KIF5C: variants seen among roughly 807,000 people sequenced by gnomAD.
KIF5C encodes kinesin family member 5C, also known as kinesin heavy chain isoform 5C.
Under a neutral mutation model 125.2 loss-of-function variants are expected in KIF5C, and 18 were observed. That is an observed-to-expected ratio of 0.14 (90% CI 0.10 to 0.21). KIF5C has a LOEUF of 0.21. KIF5C is among the 10% of genes least tolerant of loss of function. KIF5C has a pLI of 1.00. For missense variants in KIF5C, 780 were observed against 1,183.8 expected (o/e 0.66, Z 5.01); for synonymous variants, 405 against 434.0 (o/e 0.93, Z 0.83).
rs745787459 is a variant in KIF5C at position 149,000,707 on chromosome 2, C to G, written c.2313-15C>G. ...AGTCCCCTGTGGTGGTCTATGGTTC[C>G]TTTTTGTTTTTCAGATTGCTCAACG... is the stretch of plus-strand genomic sequence containing the variant. On this transcript the variant is annotated splice_polypyrimidine_tract_variant and intron_variant, in intron 20 of 25. Transcript: ENST00000435030. The G allele has an allele frequency of 6.2e-6, 10 of 1,613,404 alleles. No homozygotes were observed. The highest frequency in any genetic ancestry group is 1.7e-5 in the Admixed American group (1 of 59,934).
chr2:148,895,351 T>G (rs1024180262), intron 1 of KIF5C, among the ~76,000 whole-genome samples: 1 of 152,194 alleles, frequency 6.6e-6, no homozygotes, highest in Non-Finnish European at 1.5e-5. Flanking sequence ...TTGGCCAGGC[T>G]GGTCTCAAAC....
intron 1 of KIF5C, among the ~76,000 whole-genome samples, chr2:148,891,670 A>T (rs925902928): frequency 2.6e-5 from 4 of 152,142 alleles, no homozygotes; most frequent in African/African-American, 9.7e-5. Context: ...ACATATATGA[A>T]ATCATTCATT....
At chr2:148,987,325 A>G (rs1681405106) in intron 15 of KIF5C, among the ~76,000 whole-genome samples, 1 of 152,132 alleles carries the variant, frequency 6.6e-6, no homozygotes. Flanking sequence ...CTGTACATCA[A>G]AGGGTGAAGC....
At chr2:148,966,223 A>G (rs887425134) in intron 11 of KIF5C, among the ~76,000 whole-genome samples, 4 of 152,164 alleles carry the variant, frequency 2.6e-5, no homozygotes, top group Non-Finnish European at 5.9e-5. Flanking sequence ...GGCCTTGTCA[A>G]TTGTGTGCAG....
intron 1 of KIF5C, among the ~76,000 whole-genome samples, chr2:148,894,937 G>A (rs749022436): frequency 6.6e-6 from 1 of 150,566 alleles, no homozygotes; most frequent in African/African-American, 2.4e-5. Context: ...ACTGATGGGC[G>A]TTAGGTTATT....
At chr2:148,985,977 G>T (rs1681371166) in intron 15 of KIF5C, among the ~76,000 whole-genome samples, 1 of 152,088 alleles carries the variant, frequency 6.6e-6, no homozygotes, top group Non-Finnish European at 1.5e-5. Flanking sequence ...GCTTCAATTT[G>T]GTGATTTTAT....
At chr2:148,926,987 C>CA (rs908974791) in intron 2 of KIF5C, among the ~76,000 whole-genome samples, 1 of 151,608 alleles carries the variant, frequency 6.6e-6, no homozygotes, top group Non-Finnish European at 1.5e-5. Flanking sequence ...CCTTTTCTTA[C>CA]AAAAAAAGAA....
intron 1 of KIF5C, among the ~76,000 whole-genome samples, chr2:148,921,042 G>T (rs1681764208): frequency 6.6e-6 from 1 of 152,146 alleles, no homozygotes; most frequent in Non-Finnish European, 1.5e-5. Context: ...GTAGAGAAGA[G>T]GTGCCCTCAG....
intron 1 of KIF5C, among the ~76,000 whole-genome samples, chr2:148,919,930 T>G (rs1681715453): frequency 6.6e-6 from 1 of 152,224 alleles, no homozygotes; most frequent in South Asian, 2.1e-4. Context: ...AACTTCTGTT[T>G]GGGAGTTAAC....
At chr2:148,918,432 C>A (rs1020853636) in intron 1 of KIF5C, among the ~76,000 whole-genome samples, 1 of 152,152 alleles carries the variant, frequency 6.6e-6, no homozygotes, top group African/African-American at 2.4e-5. Context: ...TAATTAGTCA[C>A]ATACTAACTA....
intron 19 of KIF5C, 68 bp from the exon 20 acceptor site, chr2:149,000,355 G>A: frequency 3.3e-6 from 5 of 1,523,114 alleles, no homozygotes; most frequent in Non-Finnish European, 2.7e-6. Flanking sequence ...ACAGAACCAC[G>A]GTTTTAGCCT....
chr2:148,962,527 T>C (rs1176772114), intron 11 of KIF5C, among the ~76,000 whole-genome samples: 2 of 151,994 alleles, frequency 1.3e-5, no homozygotes, highest in East Asian at 1.9e-4. Context: ...TGGGAGACAC[T>C]TGGGAAAGTT....
chr2:148,917,826 A>C (rs556603037), intron 1 of KIF5C, among the ~76,000 whole-genome samples: 3 of 152,330 alleles, frequency 2.0e-5, no homozygotes, highest in African/African-American at 7.2e-5. Context: ...CATTCAAATC[A>C]TTGGCAGCCT....
intron 12 of KIF5C, among the ~76,000 whole-genome samples, chr2:148,977,891 T>G: frequency 6.6e-6 from 1 of 152,178 alleles, no homozygotes; most frequent in East Asian, 1.9e-4. Context: ...AAGTTTGGGT[T>G]AGATTTCACC....
At chr2:148,882,622 C>T (rs1046441503) in intron 1 of KIF5C, among the ~76,000 whole-genome samples, 1 of 152,190 alleles carries the variant, frequency 6.6e-6, no homozygotes, top group Non-Finnish European at 1.5e-5. Flanking sequence ...CACATCAACC[C>T]AAATGCCTGG....
intron 15 of KIF5C, among the ~76,000 whole-genome samples, chr2:148,985,269 A>G (rs1451142889): frequency 6.6e-6 from 1 of 152,256 alleles, no homozygotes; most frequent in East Asian, 1.9e-4. Context: ...GTTATTAACC[A>G]AAAAGACAGG....
intron 25 of KIF5C, among the ~76,000 whole-genome samples, chr2:149,019,815 G>A (rs1013122519): frequency 5.3e-5 from 8 of 152,172 alleles, no homozygotes; most frequent in Non-Finnish European, 7.3e-5. Context: ...GTGTGAAAAC[G>A]GTCTCTAAAT....
At chr2:148,990,734 T>C (rs772369207) in intron 15 of KIF5C, among the ~76,000 whole-genome samples, 1 of 152,230 alleles carries the variant, frequency 6.6e-6, no homozygotes, top group Non-Finnish European at 1.5e-5. Flanking sequence ...CTTCAGTGTT[T>C]CTTCTTATGC....
intron 1 of KIF5C, among the ~76,000 whole-genome samples, chr2:148,894,307 T>C (rs1681780226): frequency 6.6e-6 from 1 of 152,218 alleles, no homozygotes; most frequent in Admixed American, 6.5e-5. Context: ...TTTCTCCTTC[T>C]ACCAAAATAT....
Sources: gnomAD v4.1 joint callset for allele counts (sites outside exome capture counted in the v4.1 genomes callset) on GRCh38, gnomAD v4.1.1 for gene constraint, MANE v1.5 for transcripts, NCBI Gene and HGNC (gene_info 2026-07-23, HGNC 2026-07-21) for gene names.